Variants in RBFOX1 observed in about 807,000 individuals in gnomAD.
The protein encoded by RBFOX1 is RNA binding fox-1 homolog 1, also known as RNA binding protein fox-1 homolog 1.
Under a neutral mutation model 57.7 loss-of-function variants are expected in RBFOX1, and 8 were observed. The ratio of observed to expected loss-of-function variants is 0.14; its 90% CI spans 0.08 to 0.25. The LOEUF is 0.25. Among genes scored for constraint, RBFOX1 ranks in the 10% least tolerant of loss-of-function variants. The pLI is 1.00. For synonymous variants in RBFOX1, 326 were observed against 222.4 expected (o/e 1.47, Z -4.15); for missense variants, 611 against 548.5 (o/e 1.11, Z -1.14).
chr16:5,776,897 T>C (rs1157722694), intron 3 of RBFOX1, among the ~76,000 whole-genome samples: 1 of 152,230 alleles, frequency 6.6e-6, no homozygotes, highest in Non-Finnish European at 1.5e-5. Flanking sequence ...CATGGATGTA[T>C]GGATGTCTAC....
In RBFOX1 at chr16:5,331,449, A is replaced by G. The variant is rs555079385; in HGVS notation, c.219+91344A>G. ...AGGTCAGGTGGAGGCAGAAGGATTT[A>G]GATGGGGCTTGGCTGGGTGGTTTGT... On this transcript the variant is annotated intron_variant, in intron 1 of 2. Coordinates refer to the RBFOX1 transcript ENST00000585867. Among the ~76,000 whole-genome samples the G allele has an allele frequency of 9.8e-5, 15 of 152,358 alleles. No homozygotes were observed. The East Asian group carries it at 2.9e-3, about 29-fold the overall frequency.
At chr16:5,751,323 G>A (rs150220753) in intron 3 of RBFOX1, among the ~76,000 whole-genome samples, 1 of 151,426 alleles carries the variant, frequency 6.6e-6, no homozygotes, top group African/African-American at 2.4e-5. Flanking sequence ...AACATTTGTA[G>A]TGCCCTACAT....
intron 3 of RBFOX1, among the ~76,000 whole-genome samples, chr16:5,665,856 C>G (rs2049826267): frequency 6.6e-6 from 1 of 152,184 alleles, no homozygotes; most frequent in Non-Finnish European, 1.5e-5. Flanking sequence ...CCCTGAAAGC[C>G]CACAGAAGTA....
intron 3 of RBFOX1, among the ~76,000 whole-genome samples, chr16:6,731,696 C>G (rs144455453): frequency 5.3e-5 from 8 of 152,168 alleles, no homozygotes; most frequent in African/African-American, 1.7e-4. Flanking sequence ...GAAAGTTTTC[C>G]CACATGACTA....
intron 1 of RBFOX1, among the ~76,000 whole-genome samples, chr16:5,334,849 T>TC (rs1431348131): frequency 6.6e-6 from 1 of 151,656 alleles, no homozygotes; most frequent in Non-Finnish European, 1.5e-5. Context: ...CATGGACACA[T>TC]CCTTAAGCTT....
At chr16:5,951,002 C>G (rs148964206) in intron 4 of RBFOX1, among the ~76,000 whole-genome samples, 41 of 152,268 alleles carry the variant, frequency 2.7e-4, no homozygotes, top group South Asian at 1.7e-3. Flanking sequence ...GTGTAACTCA[C>G]TTTTCATCAC....
At chr16:5,968,101 G>C (rs1013208531) in intron 4 of RBFOX1, among the ~76,000 whole-genome samples, 1 of 152,118 alleles carries the variant, frequency 6.6e-6, no homozygotes, top group Non-Finnish European at 1.5e-5. Flanking sequence ...TTGAGATAGA[G>C]TCTTGCTCTA....
rs376747373 is a variant in RBFOX1, at chr16:5,996,366, TG to T, written c.351+129034del. Among the ~76,000 whole-genome samples, 36 of 152,276 alleles carry T rather than the reference TG, an allele frequency of 2.4e-4. No individual in the cohort carries two copies. The East Asian group carries it at 5.2e-3, about 22-fold the overall frequency. On this transcript the variant is annotated intron_variant, in intron 4 of 19. Coordinates refer to the RBFOX1 transcript ENST00000641259. Reference sequence around the variant, plus strand: ...GAGAACCCAGGTCATGACAATGATTTGGGACAAGCATTGGGTTCCCCTTAAT... The same window carrying T: ...GAGAACCCAGGTCATGACAATGATTTGGACAAGCATTGGGTTCCCCTTAAT...
At chr16:5,658,798 TGTG>T (rs1567358729) in intron 3 of RBFOX1, among the ~76,000 whole-genome samples, 2 of 137,944 alleles carry the variant, frequency 1.4e-5, no homozygotes, top group East Asian at 4.0e-4. Context: ...ATATAATATA[TGTG>T]TATATATGTA....
chr16:6,928,279 C>A (rs2075966250), intron 3 of RBFOX1, among the ~76,000 whole-genome samples: 2 of 152,134 alleles, frequency 1.3e-5, no homozygotes, highest in African/African-American at 2.4e-5. Context: ...TAAAAGCTTA[C>A]AGCCAAGGTT....
Position 5,401,743 on chromosome 16 carries a change from C to T in RBFOX1, c.220-65473C>T, listed in dbSNP as rs374702062. On this transcript the variant is annotated intron_variant, in intron 1 of 2. Transcript: ENST00000585867. ...GTTAGTATTTTCCCTGTCTCTTTTT[C>T]TCTCTCTCTCTCCCTGTCTCTCTCC... Among the ~76,000 whole-genome samples the T allele has an allele frequency of 2.0e-3, 284 of 144,376 alleles. 3 individuals carry two copies. The highest frequency in any genetic ancestry group is 0.019 in the South Asian group (86 of 4,546). 94.7% of individuals were successfully genotyped at this position (144,376 alleles called of 152,430 possible). A position where few individuals can be genotyped will look rare whatever the true frequency, so the allele number is the denominator to read the frequency against.
intron 3 of RBFOX1, among the ~76,000 whole-genome samples, chr16:6,744,139 A>G (rs1283752126): frequency 2.6e-5 from 4 of 152,138 alleles, no homozygotes; most frequent in African/African-American, 9.7e-5. Context: ...TCAGGGATAA[A>G]GAAGGTAATT....
chr16:5,433,830 T>G (rs928986751), intron 1 of RBFOX1, among the ~76,000 whole-genome samples: 1 of 152,134 alleles, frequency 6.6e-6, no homozygotes, highest in African/African-American at 2.4e-5. Flanking sequence ...ACCAGCACAG[T>G]AAGCGCTCAA....
chr16:5,570,284 C>A lies in RBFOX1; in HGVS notation c.259-28618C>A, dbSNP rs116813879. Among the ~76,000 whole-genome samples, 261 of 152,172 alleles carry A rather than the reference C, an allele frequency of 1.7e-3. 4 individuals carry two copies. The highest frequency in any genetic ancestry group is 5.2e-3 in the African/African-American group (217 of 41,532). ...GTATGGGTTCAAATCCTGTTTTTGT[C>A]ATTTGCAAGCTGTGTTCCCTGAACC... On this transcript the variant is annotated intron_variant, in intron 2 of 2. Transcript: ENST00000585867.
intron 4 of RBFOX1, among the ~76,000 whole-genome samples, chr16:7,092,494 T>A (rs1008585939): frequency 2.6e-5 from 4 of 152,250 alleles, no homozygotes; most frequent in African/African-American, 9.6e-5. Flanking sequence ...TTTAATACTG[T>A]ATAGACAGTG....
chr16:6,517,503 C>T (rs1332679652), intron 2 of RBFOX1, among the ~76,000 whole-genome samples: 1 of 152,070 alleles, frequency 6.6e-6, no homozygotes, highest in Non-Finnish European at 1.5e-5. Context: ...GCTGGCTTCT[C>T]TTTGGCAGCA....
intron 4 of RBFOX1, among the ~76,000 whole-genome samples, chr16:7,232,449 A>G (rs1273894444): frequency 1.3e-5 from 2 of 152,178 alleles, no homozygotes; most frequent in East Asian, 1.9e-4. Flanking sequence ...CCTGGCAACT[A>G]TTAGGTGCTC....
At chr16:5,801,315 ATC>A (rs2055047456) in intron 3 of RBFOX1, among the ~76,000 whole-genome samples, 1 of 60,994 alleles carries the variant, frequency 1.6e-5, no homozygotes, top group Admixed American at 1.8e-4. Context: ...TAAAGTCTCT[ATC>A]TGCCTCTCTC....
chr16:5,424,974 C>CTTTCTTTCTTTTCT (rs1555514875), intron 1 of RBFOX1, among the ~76,000 whole-genome samples: 1 of 70,628 alleles, frequency 1.4e-5, no homozygotes, highest in Admixed American at 1.8e-4. Context: ...CTCTTTCTTT[C>CTTTCTTTCTTTTCT]TTTCTTTTCT....
Sources: gnomAD v4.1 joint callset for allele counts (sites outside exome capture counted in the v4.1 genomes callset) on GRCh38, gnomAD v4.1.1 for gene constraint, MANE v1.5 for transcripts, NCBI Gene and HGNC (gene_info 2026-07-23, HGNC 2026-07-21) for gene names.